The following NRDE2 variants were observed in gnomAD, a reference collection of about 807,000 sequenced individuals.
NRDE2 encodes the protein NRDE-2, necessary for RNA interference, domain containing, also known as nuclear exosome regulator NRDE2.
Under a neutral mutation model 124.2 loss-of-function variants are expected in NRDE2, and 76 were observed. The observed-to-expected ratio is 0.61, with a 90% CI of 0.51 to 0.74. The LOEUF is 0.74. NRDE2 is among the 30% of genes least tolerant of loss of function. The pLI, the probability that NRDE2 is intolerant of heterozygous loss-of-function variation, is 0.00. For missense variants in NRDE2, 1,314 were observed against 1,417.3 expected (o/e 0.93, Z 1.17); for synonymous variants, 489 against 528.1 (o/e 0.93, Z 1.01).
intron 4 of NRDE2, among the ~76,000 whole-genome samples, chr14:90,312,023 G>T (rs1333334907): frequency 6.6e-6 from 1 of 152,124 alleles, no homozygotes; most frequent in Non-Finnish European, 1.5e-5. Context: ...TGTGGGGAGT[G>T]GATAAATGAA....
Position 90,276,049 on chromosome 14 carries a change from TGTGATCA to T in NRDE2, c.*2280_*2286del, listed in dbSNP as rs1891795701. On this transcript the variant is annotated 3_prime_UTR_variant, in exon 14 of 14. Coordinates refer to ENST00000354366, the MANE Select transcript of NRDE2 (RefSeq NM_017970.4). ...AGGTGGGCCGACCCCTGTGGTCTGA[TGTGATCA>T]GTGACTCCTTCGGGGAAATGACGAG... 4 of 152,156 alleles carry T rather than the reference TGTGATCA, an allele frequency of 2.6e-5. No individual in the cohort carries two copies. The highest frequency in any genetic ancestry group is 2.0e-4 in the Admixed American group (3 of 15,270). 9.4% of individuals were successfully genotyped at this position (152,156 alleles called of 1,614,324 possible).
In NRDE2 at chr14:90,270,610, A is replaced by T. The variant is rs1891635989; in HGVS notation, c.*7726T>A. 2.9e-6 allele frequency: 1 copy of T among 341,064 alleles called. No individual in the cohort carries two copies. The highest frequency in any genetic ancestry group is 5.3e-6 in the Non-Finnish European group (1 of 189,230). 21.1% of individuals were successfully genotyped at this position (341,064 alleles called of 1,614,324 possible). A position where few individuals can be genotyped will look rare whatever the true frequency, so the allele number is the denominator to read the frequency against. ...GTCGCTGGTACTAAGCCTTAGGCCC[A>T]GGTGACTTTCTCAAGGTGTGTCAAA... is the stretch of plus-strand genomic sequence containing the variant. On this transcript the variant is annotated 3_prime_UTR_variant, in exon 14 of 14. Coordinates refer to ENST00000354366, the MANE Select transcript of NRDE2 (RefSeq NM_017970.4).
In NRDE2 at chr14:90,318,054, G is replaced by T; in HGVS notation, c.124C>A (p.Gln42Lys). 6.2e-7 allele frequency: 1 copy of T among 1,614,188 alleles called. No homozygotes were observed. The highest frequency in any genetic ancestry group is 1.7e-5 in the Admixed American group (1 of 60,024). ...ACATGGGCTGGAGCTGCTTCAGTTT[G>T]TTGGCTCAGGGACGTTATGGATCCA... ...CVGSITSLSQ[Q>K]TEAAPAHVSE... The change falls in exon 2 of 14, where the codon CAA becomes AAA. Residue 42 changes from glutamine (Q) to lysine (K), a missense_variant. Gln to Lys is a moderately conservative substitution (Grantham distance 53, BLOSUM62 1). Coordinates refer to ENST00000354366, the MANE Select transcript of NRDE2 (RefSeq NM_017970.4).
At chr14:90,294,825 A>G (rs1289308969) in intron 8 of NRDE2, among the ~76,000 whole-genome samples, 2 of 152,200 alleles carry the variant, frequency 1.3e-5, no homozygotes, top group Non-Finnish European at 2.9e-5. Flanking sequence ...TCAATTTTAT[A>G]TTATATTTTA....
chr14:90,283,644 A>G (rs948987073), intron 12 of NRDE2, among the ~76,000 whole-genome samples: 1 of 152,112 alleles, frequency 6.6e-6, no homozygotes, highest in Non-Finnish European at 1.5e-5. Flanking sequence ...GAGTCAAACC[A>G]TAAGATCAGA....
intron 1 of NRDE2, among the ~76,000 whole-genome samples, chr14:90,322,534 A>C (rs1427259910): frequency 6.6e-6 from 1 of 151,722 alleles, no homozygotes; most frequent in South Asian, 2.1e-4. Context: ...AGAAATTAGA[A>C]ATCTTCAAAA....
chr14:90,292,587 A>C (rs1892299689), intron 9 of NRDE2, 110 bp downstream of exon 9: 3 of 1,205,156 alleles, frequency 2.5e-6, no homozygotes, highest in Non-Finnish European at 3.5e-6. Context: ...AAGCTAGCCA[A>C]CTGCTAAGAG....
chr14:90,309,405 G>A (rs1316523455), intron 4 of NRDE2, among the ~76,000 whole-genome samples: 1 of 150,230 alleles, frequency 6.7e-6, no homozygotes, highest in African/African-American at 2.5e-5. Context: ...CCTGGCAGGC[G>A]GAGGTTGCAG....
At chr14:90,322,184 A>G (rs1418709855) in intron 1 of NRDE2, among the ~76,000 whole-genome samples, 2 of 152,174 alleles carry the variant, frequency 1.3e-5, no homozygotes, top group Admixed American at 1.3e-4. Context: ...TCTTCCCACT[A>G]TACTCTAAGC....
In NRDE2 at chr14:90,314,264, G is replaced by A. The variant is rs971776140; in HGVS notation, c.408-1721C>T. Among the ~76,000 whole-genome samples, 4 of 152,144 alleles carry A rather than the reference G, an allele frequency of 2.6e-5. No individual in the cohort carries two copies. The East Asian group carries it at 5.8e-4, about 22-fold the overall frequency. On this transcript the variant is annotated intron_variant, in intron 3 of 13. Transcript: ENST00000354366. The stretch of plus-strand genomic sequence containing the variant: ...GTCTCATAGGGTCTGCTACCCTCAC[G>A]AACCCACTTTCCTGACATCACAGAA...
chr14:90,320,847 A>C (rs965956576), intron 1 of NRDE2, among the ~76,000 whole-genome samples: 1 of 152,214 alleles, frequency 6.6e-6, no homozygotes, highest in Admixed American at 6.5e-5. Flanking sequence ...ATTTTATAGA[A>C]GAGGAAACTA....
Position 90,274,883 on chromosome 14 carries a change from T to A in NRDE2, c.*3453A>T, listed in dbSNP as rs949958515. 1.3e-5 allele frequency: 2 copies of A among 150,744 alleles called. No homozygotes were observed. The highest frequency in any genetic ancestry group is 4.9e-5 in the African/African-American group (2 of 40,930). 9.3% of individuals were successfully genotyped at this position (150,744 alleles called of 1,614,324 possible). ...ATCTGAAAGTTTGCTGAGGAAGGGGTATTTACAGATTTTGAGAGTCTGCCA... is the reference window on the plus strand; with the variant it reads ...ATCTGAAAGTTTGCTGAGGAAGGGGAATTTACAGATTTTGAGAGTCTGCCA... On this transcript the variant is annotated 3_prime_UTR_variant, in exon 14 of 14. Coordinates refer to ENST00000354366, the MANE Select transcript of NRDE2 (RefSeq NM_017970.4).
intron 1 of NRDE2, among the ~76,000 whole-genome samples, chr14:90,327,109 T>C (rs1046914473): frequency 6.6e-6 from 1 of 152,220 alleles, no homozygotes; most frequent in Non-Finnish European, 1.5e-5. Context: ...CAACCCAGTG[T>C]GTGGTTTTCA....
chr14:90,317,090 C>T (rs1885074021), intron 2 of NRDE2, among the ~76,000 whole-genome samples: 1 of 152,068 alleles, frequency 6.6e-6, no homozygotes, highest in Admixed American at 6.6e-5. Flanking sequence ...TAACCTACCA[C>T]TTAACAAATA....
chr14:90,329,876 T>C (rs1885600997), intron 1 of NRDE2, among the ~76,000 whole-genome samples: 1 of 150,032 alleles, frequency 6.7e-6, no homozygotes, highest in South Asian at 2.1e-4. Flanking sequence ...AAATATTAGT[T>C]CCTACATAAA....
rs764632168 is a variant in NRDE2 at position 90,316,691 on chromosome 14, T to C, written c.294A>G (p.Thr98=). 47 of 1,614,084 alleles carry C rather than the reference T, an allele frequency of 2.9e-5. No individual in the cohort carries two copies. Among genetic ancestry groups the C allele is most frequent in the Non-Finnish European group, 3.6e-5 (42 of 1,180,040 alleles). Residue 98 remains threonine, a synonymous_variant, in exon 3 of 14, where the codon ACA becomes ACG. Coordinates refer to ENST00000354366, the MANE Select transcript of NRDE2 (RefSeq NM_017970.4). ...KKRKHQHHKK[T]KRKHGPSSSS... ...TACTCGACGGCCCATGCTTCCTCTT[T>C]GTTTTCTTATGATGCTGATGCTTCC...
In NRDE2 at chr14:90,304,441, C is replaced by CTTTA. The variant is rs1884528976; in HGVS notation, c.558-60_558-59insTAAA. 38 of 1,308,262 alleles carry CTTTA rather than the reference C, an allele frequency of 2.9e-5. 1 individual carries two copies. The South Asian group carries it at 5.3e-4, about 18-fold the overall frequency. 81.0% of individuals were successfully genotyped at this position (1,308,262 alleles called of 1,614,324 possible). ...GAATACGTGTACTACCTCTGAATGA[C>CTTTA]TAAAGGCGCATTAGACCTAAACTCT... is the stretch of plus-strand genomic sequence containing the variant. On this transcript the variant is annotated intron_variant, in intron 4 of 13. Transcript: ENST00000354366.
In NRDE2 at chr14:90,268,478, A is replaced by C. The variant is rs996276127; in HGVS notation, c.*9858T>G. On this transcript the variant is annotated 3_prime_UTR_variant, in exon 14 of 14. Transcript: ENST00000354366. The stretch of plus-strand genomic sequence containing the variant: ...AACACCGCATAGCTCTTCTCTTGAG[A>C]ATGAGCAATCTCAGGGGGCTCTCCC... 1.2e-4 allele frequency: 174 copies of C among 1,513,048 alleles called. No individual in the cohort carries two copies. The Admixed American group carries it at 3.1e-3, about 27-fold the overall frequency. The allele number at this position is 1,513,048 out of a possible 1,614,324, so 93.7% of individuals were successfully genotyped here.
chr14:90,282,846 T>C lies in NRDE2; in HGVS notation c.3297+3508A>G, dbSNP rs141504947. ...CTACGCCCGGCTAATTTTGTATTTT[T>C]AGTAGAGACAGGGTTTCTCCATATT... On this transcript the variant is annotated intron_variant, in intron 12 of 13. Coordinates refer to ENST00000354366, the MANE Select transcript of NRDE2 (RefSeq NM_017970.4). Among the ~76,000 whole-genome samples, 380 of 152,274 alleles carry C rather than the reference T, an allele frequency of 2.5e-3. 2 individuals are homozygous for C. The highest frequency in any genetic ancestry group is 8.5e-3 in the African/African-American group (354 of 41,550).
Sources: gnomAD v4.1 joint callset for allele counts (sites outside exome capture counted in the v4.1 genomes callset) on GRCh38, gnomAD v4.1.1 for gene constraint, MANE v1.5 for transcripts, NCBI Gene and HGNC (gene_info 2026-07-23, HGNC 2026-07-21) for gene names.